Variants in TMEM116 observed in about 807,000 individuals in gnomAD.
The protein encoded by TMEM116 is transmembrane protein 116.
A neutral mutation model predicts 44.3 loss-of-function variants in TMEM116; 38 were observed. The observed-to-expected ratio is 0.86, with a 90% CI of 0.66 to 1.12. TMEM116 has a LOEUF of 1.12. Among genes scored for constraint, TMEM116 ranks in the 50% most tolerant of loss-of-function variants. The pLI is 0.00. For synonymous variants in TMEM116, 132 were observed against 144.8 expected, an observed-to-expected ratio of 0.91 and a Z score of 0.64; for missense variants, 354 against 401.7, an observed-to-expected ratio of 0.88 and a Z score of 1.01.
At chr12:111,979,707 T>C (rs918266203) in intron 4 of TMEM116, among the ~76,000 whole-genome samples, 6 of 152,144 alleles carry the variant, frequency 3.9e-5, no homozygotes, top group African/African-American at 1.4e-4. Context: ...GAAGAAAACA[T>C]TTCCAAAATA....
chr12:111,937,268 C>G (rs751275428), intron 6 of TMEM116, 25 bp from the exon 7 acceptor site: 36 of 1,562,664 alleles, frequency 2.3e-5, no homozygotes, highest in Admixed American at 1.3e-4. Context: ...AAGTATCACC[C>G]TAATATCCAC....
At chr12:111,983,432 A>G (rs779716047) in intron 4 of TMEM116, among the ~76,000 whole-genome samples, 1 of 151,254 alleles carries the variant, frequency 6.6e-6, no homozygotes, top group Non-Finnish European at 1.5e-5. Context: ...ACAGAGCAAG[A>G]CTCTATCTAA....
At chr12:111,940,588 C>T (rs921733209) in intron 5 of TMEM116, among the ~76,000 whole-genome samples, 12 of 137,854 alleles carry the variant, frequency 8.7e-5, no homozygotes, top group African/African-American at 3.4e-4. Context: ...TATATATCTT[C>T]GGCTAAAGCT....
chr12:111,936,972 T>A, intron 7 of TMEM116, 142 bp from the exon 8 acceptor site: 1 of 1,028,174 alleles, frequency 9.7e-7, no homozygotes, highest in Non-Finnish European at 1.4e-6. Context: ...ACAGACACAT[T>A]ATCTTGTAGT....
At chr12:111,961,120 C>A (rs1465513557) in intron 4 of TMEM116, among the ~76,000 whole-genome samples, 5 of 152,134 alleles carry the variant, frequency 3.3e-5, no homozygotes. Flanking sequence ...CAAGACTAAA[C>A]CAGGAAGAAG....
intron 4 of TMEM116, among the ~76,000 whole-genome samples, chr12:111,967,707 G>C (rs1350369441): frequency 1.3e-5 from 2 of 151,888 alleles, no homozygotes; most frequent in Non-Finnish European, 2.9e-5. Context: ...CCCTACATAG[G>C]TGGGGAAAAA....
chr12:111,937,576 G>A (rs999988678), intron 6 of TMEM116, among the ~76,000 whole-genome samples: 2 of 152,192 alleles, frequency 1.3e-5, no homozygotes, highest in South Asian at 2.1e-4. Context: ...TCTGTGTGCA[G>A]TCTGTTTTAC....
chr12:111,962,213 A>G (rs2074642846), intron 4 of TMEM116, among the ~76,000 whole-genome samples: 1 of 152,250 alleles, frequency 6.6e-6, no homozygotes, highest in Admixed American at 6.5e-5. Flanking sequence ...GATAGGAAGA[A>G]TCAATATCAT....
At chr12:111,963,244 C>T (rs2074732241) in intron 4 of TMEM116, among the ~76,000 whole-genome samples, 1 of 152,140 alleles carries the variant, frequency 6.6e-6, no homozygotes, top group Non-Finnish European at 1.5e-5. Context: ...ATTAGTTCAA[C>T]CATTGTGGAA....
intron 4 of TMEM116, among the ~76,000 whole-genome samples, chr12:111,955,834 T>C (rs1282622972): frequency 6.6e-6 from 1 of 152,228 alleles, no homozygotes; most frequent in African/African-American, 2.4e-5. Context: ...TAGTATTCAA[T>C]ACAGTAACAT....
At chr12:111,933,426 C>T (rs2071821418) in intron 9 of TMEM116, among the ~76,000 whole-genome samples, 1 of 150,794 alleles carries the variant, frequency 6.6e-6, no homozygotes, top group Admixed American at 6.6e-5. Flanking sequence ...GTAGTAAAAA[C>T]TGGAAATATG....
intron 6 of TMEM116, 150 bp downstream of exon 6, chr12:111,938,011 C>A: frequency 2.2e-6 from 1 of 447,006 alleles, no homozygotes; most frequent in Non-Finnish European, 4.0e-6. Context: ...AAAATGGAAG[C>A]AATGAACACG....
At chr12:112,003,775 T>C (rs939877076) in intron 3 of TMEM116, 25 bp downstream of exon 3, 12 of 1,508,290 alleles carry the variant, frequency 8.0e-6, no homozygotes, top group Non-Finnish European at 1.1e-5. Context: ...AAAGTTCAAA[T>C]CCAACACAAA....
At chr12:112,007,626 A>C (rs535976241) in intron 1 of TMEM116, among the ~76,000 whole-genome samples, 1 of 152,306 alleles carries the variant, frequency 6.6e-6, no homozygotes, top group African/African-American at 2.4e-5. Flanking sequence ...TAAGGCCTCT[A>C]CTCATACATC....
Position 112,006,875 on chromosome 12 carries a change from C to T in TMEM116, c.-33-1572G>A, listed in dbSNP as rs76685768. Among the ~76,000 whole-genome samples, 1,840 of 152,252 alleles carry T rather than the reference C, an allele frequency of 0.012. 129 individuals are homozygous for T. In the South Asian group the frequency reaches 0.18, roughly 15 times the overall value. ...TATTGATAACAAATTAAATCACTTG[C>T]GTCGCTAGAGTAATTTAAATACATG... On this transcript the variant is annotated intron_variant, in intron 1 of 10. Transcript: ENST00000552374.
intron 4 of TMEM116, among the ~76,000 whole-genome samples, chr12:111,979,841 A>C (rs1229950012): frequency 2.0e-5 from 3 of 152,224 alleles, no homozygotes; most frequent in East Asian, 3.8e-4. Context: ...AAAAATGTTC[A>C]ACATTATATG....
chr12:111,962,680 A>C (rs2074681377), intron 4 of TMEM116, among the ~76,000 whole-genome samples: 1 of 152,224 alleles, frequency 6.6e-6, no homozygotes, highest in African/African-American at 2.4e-5. Flanking sequence ...TGGATTAAAG[A>C]CTTAAACATA....
chr12:112,002,308 G>C (rs1456141642), intron 3 of TMEM116, among the ~76,000 whole-genome samples: 3 of 149,846 alleles, frequency 2.0e-5, no homozygotes, highest in Admixed American at 6.7e-5. Flanking sequence ...CAGGAGAATT[G>C]CTTGAACCCA....
At chr12:111,976,570 C>A (rs377246655) in intron 4 of TMEM116, among the ~76,000 whole-genome samples, 121 of 152,154 alleles carry the variant, frequency 8.0e-4, no homozygotes, top group African/African-American at 2.9e-3. Context: ...TCACAACTTT[C>A]AACAAAAAAT....
Sources: allele counts gnomAD v4.1 joint callset (sites outside exome capture counted in the v4.1 genomes callset), GRCh38; gene constraint gnomAD v4.1.1; transcripts MANE v1.5; gene names NCBI Gene and HGNC (gene_info 2026-07-23, HGNC 2026-07-21).